The following NUP153 variants were observed in gnomAD, a reference collection of about 807,000 sequenced individuals.
NUP153 encodes nucleoporin 153.
NUP153 carries 27 observed loss-of-function variants against 134.6 expected under a neutral mutation model. That is an observed-to-expected ratio of 0.20 (90% CI 0.15 to 0.28). NUP153 has a LOEUF of 0.28. Among genes scored for constraint, NUP153 ranks in the 10% least tolerant of loss-of-function variants. The probability of loss-of-function intolerance (pLI) is 1.00; values close to 1 mark genes in which losing one functional copy is unlikely to be tolerated. For synonymous variants in NUP153, 640 were observed against 623.5 expected (o/e 1.03, Z -0.40); for missense variants, 1,821 against 1,731.3 (o/e 1.05, Z -0.92).
chr6:17,628,578 T>A lies in NUP153; in HGVS notation c.3544+77A>T. 1.3e-6 allele frequency: 1 copy of A among 751,700 alleles called. No homozygotes were observed. Among genetic ancestry groups the A allele is most frequent in the Non-Finnish European group, 1.8e-6 (1 of 554,912 alleles). 46.6% of individuals were successfully genotyped at this position (751,700 alleles called of 1,614,324 possible). A position where few individuals can be genotyped will look rare whatever the true frequency, so the allele number is the denominator to read the frequency against. ...GTAAACCATTAATTGACTTGCTGCA[T>A]CTGTCAAGGCAACTTGTAAAACGAC... is the stretch of plus-strand genomic sequence containing the variant. On this transcript the variant is annotated intron_variant, in intron 18 of 21. Transcript: ENST00000262077. The surrounding 1 kb of genome is among the most constrained non-coding windows in gnomAD (Gnocchi z 5.4).
At chr6:17,691,727 C>G (rs1197532401) in intron 1 of NUP153, among the ~76,000 whole-genome samples, 6 of 152,118 alleles carry the variant, frequency 3.9e-5, no homozygotes. Context: ...GCCTGGGTGA[C>G]ACAGCGAGAC....
Position 17,646,138 on chromosome 6 carries a change from C to T in NUP153, c.1649G>A (p.Ser550Asn), listed in dbSNP as rs993621751. 1 of 1,587,670 alleles carries T rather than the reference C, an allele frequency of 6.3e-7. No homozygotes were observed. The highest frequency in any genetic ancestry group is 1.3e-5 in the African/African-American group (1 of 74,376). The change falls in exon 14 of 22, where the codon AGT (serine) becomes AAT (asparagine). Residue 550 changes from serine to asparagine, a missense_variant. Coordinates refer to ENST00000262077, the MANE Select transcript of NUP153 (RefSeq NM_005124.4). ...LPPSSIGFTFSVPVAKTAELS... is the reference protein window; with the variant it reads ...LPPSSIGFTFNVPVAKTAELS... Reference sequence around the variant, plus strand: ...TTCTGCTGTTTTTGCAACAGGCACACTAAATGTAAATCCAATCTGTAAAGA... The same window carrying T: ...TTCTGCTGTTTTTGCAACAGGCACATTAAATGTAAATCCAATCTGTAAAGA...
At chr6:17,652,524 A>G (rs1204074914) in intron 11 of NUP153, among the ~76,000 whole-genome samples, 2 of 152,174 alleles carry the variant, frequency 1.3e-5, no homozygotes, top group African/African-American at 4.8e-5. Context: ...GCCCGGGGAT[A>G]GGCAAAATTT....
At chr6:17,694,113 TTTAC>T (rs1387274601) in intron 1 of NUP153, among the ~76,000 whole-genome samples, 2 of 152,204 alleles carry the variant, frequency 1.3e-5, no homozygotes, top group Admixed American at 6.5e-5. Context: ...ACATATTATG[TTTAC>T]TTGTTTCCTT....
intron 8 of NUP153, among the ~76,000 whole-genome samples, chr6:17,666,374 G>T (rs1031412180): frequency 6.6e-6 from 1 of 152,032 alleles, no homozygotes; most frequent in Non-Finnish European, 1.5e-5. Flanking sequence ...AATTAGCCAG[G>T]CGTGGTGGCA....
intron 5 of NUP153, among the ~76,000 whole-genome samples, chr6:17,671,430 G>A (rs1251187671): frequency 1.3e-5 from 2 of 152,028 alleles, no homozygotes; most frequent in Non-Finnish European, 2.9e-5. Flanking sequence ...AGCTATCTGA[G>A]CCTGAAGCTT....
At chr6:17,694,066 G>A (rs146127316) in intron 1 of NUP153, among the ~76,000 whole-genome samples, 2,463 of 150,580 alleles carry the variant, frequency 0.016, 29 homozygotes, top group Middle Eastern at 0.037. Context: ...CTACTTTATT[G>A]ATAGCACTGA....
At chr6:17,665,138 T>C in intron 9 of NUP153, 101 bp downstream of exon 9, 1 of 816,758 alleles carries the variant, frequency 1.2e-6, no homozygotes, top group South Asian at 1.9e-5. Context: ...CTTTATGTGT[T>C]ATACAGTTGC....
At chr6:17,672,862 C>T (rs1017757821) in intron 5 of NUP153, among the ~76,000 whole-genome samples, 7 of 151,990 alleles carry the variant, frequency 4.6e-5, no homozygotes, top group African/African-American at 1.7e-4. Context: ...TGAACCTTGA[C>T]CAATACCTCA....
chr6:17,657,703 C>CA (rs1766916042), intron 11 of NUP153, among the ~76,000 whole-genome samples: 2 of 152,244 alleles, frequency 1.3e-5, no homozygotes, highest in African/African-American at 4.8e-5. Context: ...ATAAACTTCA[C>CA]AAAACATGCT....
chr6:17,665,165 T>A, intron 9 of NUP153, 74 bp downstream of exon 9: 1 of 1,124,160 alleles, frequency 8.9e-7, no homozygotes, highest in Non-Finnish European at 1.3e-6. Context: ...ACAATGGTAG[T>A]TATATTTTAC....
chr6:17,692,608 T>C (rs2113855394), intron 1 of NUP153, among the ~76,000 whole-genome samples: 1 of 152,304 alleles, frequency 6.6e-6, no homozygotes, highest in South Asian at 2.1e-4. Context: ...AACATCCTTG[T>C]GTTTCAATAC....
At chr6:17,696,790 C>A (rs977807270) in intron 1 of NUP153, among the ~76,000 whole-genome samples, 4 of 151,744 alleles carry the variant, frequency 2.6e-5, no homozygotes, top group African/African-American at 9.7e-5. Context: ...TCTTAAAAAA[C>A]AGCCAGGTGC....
intron 18 of NUP153, among the ~76,000 whole-genome samples, chr6:17,627,859 T>C (rs1765022742): frequency 6.6e-6 from 1 of 152,234 alleles, no homozygotes; most frequent in African/African-American, 2.4e-5. Flanking sequence ...TAAATTTCAG[T>C]GATCTTTGCC....
intron 1 of NUP153, among the ~76,000 whole-genome samples, chr6:17,697,468 C>G (rs538475048): frequency 6.6e-6 from 1 of 152,284 alleles, no homozygotes; most frequent in African/African-American, 2.4e-5. Flanking sequence ...GACAGGTCAC[C>G]TGAGGTCAGG....
intron 11 of NUP153, among the ~76,000 whole-genome samples, chr6:17,655,204 T>G (rs1309713819): frequency 6.6e-6 from 1 of 152,188 alleles, no homozygotes; most frequent in African/African-American, 2.4e-5. Flanking sequence ...ATGACTACAA[T>G]CCTTGCACAT....
chr6:17,665,354 A>C lies in NUP153; in HGVS notation c.1100T>G (p.Leu367Arg), dbSNP rs1354714441. The change falls in exon 9 of 22, where the codon CTT becomes CGT. Residue 367 changes from leucine to arginine, a missense_variant. By Grantham distance (102) the Leu-to-Arg change is moderately radical. Coordinates refer to ENST00000262077, the MANE Select transcript of NUP153 (RefSeq NM_005124.4). Reference sequence around the variant, plus strand: ...TATGGAAACTGGCTTTGGGGTCATAAGTCTCTGAACAGGAGGATATTGAGA... The same window carrying C: ...TATGGAAACTGGCTTTGGGGTCATACGTCTCTGAACAGGAGGATATTGAGA... ...VDSQYPPVQR[L>R]MTPKPVSIAT... 1 of 1,613,520 alleles carries C rather than the reference A, an allele frequency of 6.2e-7. No homozygotes were observed. The highest frequency in any genetic ancestry group is 1.3e-5 in the African/African-American group (1 of 74,920).
At position 17,629,636 on chromosome 6, in the gene NUP153, C is replaced by T. The variant is rs1349688436; in HGVS notation, c.2660-97G>A. On this transcript the variant is annotated intron_variant, in intron 17 of 21. Coordinates refer to ENST00000262077, the MANE Select transcript of NUP153 (RefSeq NM_005124.4). ...GAAAGCCAAAGAAACATAGGAGTAA[C>T]TTTGAAAGGGCCTACTTTGAAGAGT... 17 of 1,091,124 alleles carry T rather than the reference C, an allele frequency of 1.6e-5. 1 individual carries two copies. The South Asian group carries it at 2.6e-4, about 17-fold the overall frequency. The allele number at this position is 1,091,124 out of a possible 1,614,324, so 67.6% of individuals were successfully genotyped here.
At chr6:17,666,395 A>AGAG (rs1270597282) in intron 8 of NUP153, among the ~76,000 whole-genome samples, 1 of 152,012 alleles carries the variant, frequency 6.6e-6, no homozygotes, top group Non-Finnish European at 1.5e-5. Context: ...TGCGCCTGTA[A>AGAG]TCCCGGCTAT....
Sources: gnomAD v4.1 joint callset for allele counts (sites outside exome capture counted in the v4.1 genomes callset) on GRCh38, gnomAD v4.1.1 for gene constraint, Gnocchi (gnomAD v3.1) non-coding constraint, MANE v1.5 for transcripts, NCBI Gene and HGNC (gene_info 2026-07-23, HGNC 2026-07-21) for gene names.